The following CAPZB variants were observed in gnomAD, a reference collection of about 807,000 sequenced individuals.
The protein encoded by CAPZB is capping actin protein of muscle Z-line subunit beta.
CAPZB carries 2 observed loss-of-function variants against 38.1 expected under a neutral mutation model. The observed-to-expected ratio is 0.05, with a 90% CI of 0.02 to 0.17. The LOEUF (loss-of-function observed/expected upper bound fraction) is 0.17. CAPZB is among the 10% of genes least tolerant of loss of function. The probability of loss-of-function intolerance (pLI) is 1.00; values close to 1 mark genes in which losing one functional copy is unlikely to be tolerated. For synonymous variants in CAPZB, 107 were observed against 127.4 expected (o/e 0.84, Z 1.08); for missense variants, 161 against 334.2 (o/e 0.48, Z 4.04).
intron 1 of CAPZB, among the ~76,000 whole-genome samples, chr1:19,462,457 CA>C (rs34138277): frequency 0.28 from 36,240 of 131,716 alleles, 4,491 homozygotes; most frequent in East Asian, 0.38. Flanking sequence ...GACTCCGTCT[CA>C]AAAAAAAAAA....
In CAPZB at chr1:19,459,209, T is replaced by C. The variant is rs149905717; in HGVS notation, c.3+26227A>G. 7.1e-3 allele frequency among the ~76,000 whole-genome samples: 1,080 copies of C among 152,234 alleles called. 6 individuals carry two copies. The highest frequency in any genetic ancestry group is 0.024 in the African/African-American group (980 of 41,532). On this transcript the variant is annotated intron_variant, in intron 1 of 8. Transcript: ENST00000264202. ...ATTTTACTCAACAAAGTAAAAAGGA[T>C]GGAAAGAACACACTGAAAAGAACAG...
In CAPZB at chr1:19,437,624, C is replaced by A. The variant is rs769215096; in HGVS notation, c.4-17874G>T. Among the ~76,000 whole-genome samples the A allele has an allele frequency of 2.1e-4, 32 of 152,124 alleles. 1 individual carries two copies. Among genetic ancestry groups the A allele is most frequent in the Non-Finnish European group, 1.3e-4 (9 of 68,032 alleles). Reference sequence around the variant, plus strand: ...GCAATCAGGAACAGAACACCATGGGCACGAGACTCATTCCAGGTACTGTCA... The same window carrying A: ...GCAATCAGGAACAGAACACCATGGGAACGAGACTCATTCCAGGTACTGTCA... On this transcript the variant is annotated intron_variant, in intron 1 of 8. Transcript: ENST00000264202.
In CAPZB at chr1:19,385,642, G is replaced by A. The variant is rs2094200029; in HGVS notation, c.94-16C>T. 5 of 1,614,206 alleles carry A rather than the reference G, an allele frequency of 3.1e-6. No individual in the cohort carries two copies. Among genetic ancestry groups the A allele is most frequent in the Non-Finnish European group, 4.2e-6 (5 of 1,180,018 alleles). Reference sequence around the variant, plus strand: ...GACTGGGGACCTGGCAGAGAGAAAGGACAAGGTCGAAACAGAGGTTAAAAC... The same window carrying A: ...GACTGGGGACCTGGCAGAGAGAAAGAACAAGGTCGAAACAGAGGTTAAAAC... On this transcript the variant is annotated splice_polypyrimidine_tract_variant and intron_variant, in intron 2 of 8. Coordinates refer to ENST00000264202, the MANE Select transcript of CAPZB (RefSeq NM_004930.5).
chr1:19,456,093 G>A (rs1206156482), intron 1 of CAPZB, among the ~76,000 whole-genome samples: 3 of 152,170 alleles, frequency 2.0e-5, no homozygotes, highest in African/African-American at 7.2e-5. Flanking sequence ...TGCATTTTTG[G>A]TAGAGATGGA....
chr1:19,443,901 G>A (rs1306509451), intron 1 of CAPZB, among the ~76,000 whole-genome samples: 2 of 152,190 alleles, frequency 1.3e-5, no homozygotes, highest in East Asian at 3.9e-4. Flanking sequence ...ACAAAAGTCT[G>A]AATGAAATAT....
At chr1:19,345,923 G>A (rs2093958107) in intron 6 of CAPZB, among the ~76,000 whole-genome samples, 1 of 152,216 alleles carries the variant, frequency 6.6e-6, no homozygotes, top group African/African-American at 2.4e-5. Context: ...CTGAGGTTAT[G>A]AGGGGGGCAG....
chr1:19,480,023 G>A lies in CAPZB; in HGVS notation c.3+5413C>T, dbSNP rs951117876. On this transcript the variant is annotated intron_variant, in intron 1 of 8. Coordinates refer to ENST00000264202, the MANE Select transcript of CAPZB (RefSeq NM_004930.5). ...TTCATGCCCAGCCCCCAAGCCGACT[G>A]CAGGCTGGAGTGGTCTGCAGGGCTG... 3.3e-5 allele frequency among the ~76,000 whole-genome samples: 5 copies of A among 152,156 alleles called. No homozygotes were observed. In the East Asian group the frequency reaches 7.7e-4, roughly 23 times the overall value.
chr1:19,416,890 T>TAAAAAAAAAA (rs2094382319), intron 2 of CAPZB, among the ~76,000 whole-genome samples: 1 of 74,932 alleles, frequency 1.3e-5, no homozygotes, highest in African/African-American at 5.3e-5. Flanking sequence ...AAAAAAAAAG[T>TAAAAAAAAAA]ATGCTCTGAC....
At chr1:19,395,554 G>C (rs1335947036) in intron 2 of CAPZB, among the ~76,000 whole-genome samples, 1 of 152,210 alleles carries the variant, frequency 6.6e-6, no homozygotes, top group African/African-American at 2.4e-5. Flanking sequence ...GCAGAACAAA[G>C]AAGACAAATG....
At chr1:19,471,856 A>T (rs1301303471) in intron 1 of CAPZB, among the ~76,000 whole-genome samples, 1 of 89,164 alleles carries the variant, frequency 1.1e-5, no homozygotes, top group African/African-American at 4.2e-5. Flanking sequence ...ACAAAGCGAG[A>T]CTCCGTCTCA....
intron 2 of CAPZB, among the ~76,000 whole-genome samples, chr1:19,398,656 T>C (rs1159436113): frequency 6.6e-6 from 1 of 151,830 alleles, no homozygotes; most frequent in Non-Finnish European, 1.5e-5. Flanking sequence ...TCATCAGGTT[T>C]TGCTGTAATT....
intron 2 of CAPZB, among the ~76,000 whole-genome samples, chr1:19,405,255 C>G (rs1003849729): frequency 6.6e-6 from 1 of 152,104 alleles, no homozygotes; most frequent in Non-Finnish European, 1.5e-5. Context: ...TGGCCAGGCA[C>G]TGTGTTAGGG....
intron 2 of CAPZB, among the ~76,000 whole-genome samples, chr1:19,417,435 C>A (rs2094384930): frequency 6.6e-6 from 1 of 152,180 alleles, no homozygotes; most frequent in Non-Finnish European, 1.5e-5. Flanking sequence ...AAAGGCAGAT[C>A]ACACCTTCAA....
At position 19,395,442 on chromosome 1, in the gene CAPZB, C is replaced by T. The variant is rs532758615; in HGVS notation, c.94-9816G>A. ...TAAACAAAAGCAGGCCTCCTGGGCT[C>T]GCTTTCAGCCATTCATACTCCAAAC... On this transcript the variant is annotated intron_variant, in intron 2 of 8. Transcript: ENST00000264202. 9.8e-5 allele frequency among the ~76,000 whole-genome samples: 15 copies of T among 152,332 alleles called. No homozygotes were observed. In the South Asian group the frequency reaches 3.1e-3, roughly 32 times the overall value.
At chr1:19,417,810 C>G (rs576656526) in intron 2 of CAPZB, among the ~76,000 whole-genome samples, 1 of 152,146 alleles carries the variant, frequency 6.6e-6, no homozygotes, top group Non-Finnish European at 1.5e-5. Context: ...AAACTGGACC[C>G]GGCCAATCTA....
chr1:19,361,592 G>A (rs1347718695), intron 4 of CAPZB, among the ~76,000 whole-genome samples: 1 of 152,232 alleles, frequency 6.6e-6, no homozygotes, highest in Non-Finnish European at 1.5e-5. Flanking sequence ...TGCTCTGCGC[G>A]TGAAGCATTA....
rs115024302 is a variant in CAPZB at position 19,463,227 on chromosome 1, G to A, written c.3+22209C>T. Among the ~76,000 whole-genome samples, 725 of 152,270 alleles carry A rather than the reference G, an allele frequency of 4.8e-3. 9 individuals are homozygous for A. Among genetic ancestry groups the A allele is most frequent in the African/African-American group, 0.017 (706 of 41,538 alleles). On this transcript the variant is annotated intron_variant, in intron 1 of 8. Coordinates refer to ENST00000264202, the MANE Select transcript of CAPZB (RefSeq NM_004930.5). ...GCGGGTCTACAGGGCAATGTCTGGG[G>A]TCTGAGGGCAGGTGAGAGTACACAG... is the stretch of plus-strand genomic sequence containing the variant.
At chr1:19,392,894 C>T (rs1220790718) in intron 2 of CAPZB, among the ~76,000 whole-genome samples, 1 of 152,228 alleles carries the variant, frequency 6.6e-6, no homozygotes, top group Non-Finnish European at 1.5e-5. Context: ...CCAGTGAGGG[C>T]CTGCAAGCTG....
At chr1:19,470,659 C>T (rs1298341665) in intron 1 of CAPZB, among the ~76,000 whole-genome samples, 1 of 152,200 alleles carries the variant, frequency 6.6e-6, no homozygotes, top group Non-Finnish European at 1.5e-5. Context: ...GCCCCAAACC[C>T]CTGTGAGCAG....
Sources: allele counts gnomAD v4.1 joint callset (sites outside exome capture counted in the v4.1 genomes callset), GRCh38; gene constraint gnomAD v4.1.1; transcripts MANE v1.5; gene names NCBI Gene and HGNC (gene_info 2026-07-23, HGNC 2026-07-21).